Variants in PTPRR observed in about 807,000 individuals in gnomAD.
The protein encoded by PTPRR is protein tyrosine phosphatase receptor type R.
PTPRR carries 38 observed loss-of-function variants against 77.2 expected under a neutral mutation model. The ratio of observed to expected loss-of-function variants is 0.49; its 90% confidence interval spans 0.38 to 0.65. The LOEUF (loss-of-function observed/expected upper bound fraction) is 0.65, where lower values mean the gene tolerates loss of function less well. PTPRR is among the 30% of genes least tolerant of loss of function. The probability of loss-of-function intolerance (pLI) is 0.00; values close to 1 mark genes in which losing one functional copy is unlikely to be tolerated. For synonymous variants in PTPRR, 299 were observed against 283.1 expected (o/e 1.06, Z -0.57); for missense variants, 744 against 799.2 (o/e 0.93, Z 0.83).
chr12:70,838,636 A>G (rs1892343839), intron 2 of PTPRR, among the ~76,000 whole-genome samples: 1 of 152,208 alleles, frequency 6.6e-6, no homozygotes, highest in Non-Finnish European at 1.5e-5. Context: ...ATAAATAAAA[A>G]TGATATCACA....
chr12:70,736,815 G>T (rs1490759643), intron 6 of PTPRR, among the ~76,000 whole-genome samples: 2 of 152,198 alleles, frequency 1.3e-5, no homozygotes, highest in Admixed American at 1.3e-4. Context: ...TGGGTCATAG[G>T]TTCCAATAGA....
chr12:70,754,194 C>A lies in PTPRR; in HGVS notation c.735G>T (p.Leu245Phe), dbSNP rs151053959. Residue 245 changes from leucine to phenylalanine, a missense_variant, in exon 5 of 14, where the codon TTG (leucine) becomes TTT (phenylalanine). Coordinates refer to ENST00000283228, the MANE Select transcript of PTPRR (RefSeq NM_002849.4). ...LSIFVIIVTC[L>F]MILYRLKERF... ...ATATACAAAGAAGCAAACTTACCATCAAACACGTTACTATAATAACAAAGA... is the reference window on the plus strand; with the variant it reads ...ATATACAAAGAAGCAAACTTACCATAAAACACGTTACTATAATAACAAAGA... The A allele has an allele frequency of 6.2e-6, 10 of 1,612,426 alleles. No individual in the cohort carries two copies. The highest frequency in any genetic ancestry group is 8.5e-6 in the Non-Finnish European group (10 of 1,179,482).
intron 2 of PTPRR, among the ~76,000 whole-genome samples, chr12:70,770,855 G>T (rs996407616): frequency 1.3e-5 from 2 of 151,798 alleles, no homozygotes; most frequent in African/African-American, 4.8e-5. Context: ...TCCTTTGTAG[G>T]GACATGGATG....
intron 4 of PTPRR, chr12:70,754,820 T>G: frequency 7.4e-7 from 1 of 1,347,036 alleles, no homozygotes. Context: ...ATCTTTTTTT[T>G]TTTTCAAATA....
At chr12:70,829,826 T>A (rs12580754) in intron 2 of PTPRR, among the ~76,000 whole-genome samples, 3,201 of 152,262 alleles carry the variant, frequency 0.021, 69 homozygotes, top group East Asian at 0.11. Context: ...GGACTTTCTA[T>A]GAGGTTATAA....
At chr12:70,842,249 T>C (rs1463949238) in intron 2 of PTPRR, among the ~76,000 whole-genome samples, 1 of 152,228 alleles carries the variant, frequency 6.6e-6, no homozygotes, top group African/African-American at 2.4e-5. Context: ...TGTAGAATTA[T>C]TGAATTCCTC....
At chr12:70,695,537 C>G (rs887098611) in intron 8 of PTPRR, among the ~76,000 whole-genome samples, 1 of 152,178 alleles carries the variant, frequency 6.6e-6, no homozygotes, top group African/African-American at 2.4e-5. Flanking sequence ...CCACCCAGTT[C>G]TGTGAACGGA....
At chr12:70,815,371 G>A (rs1891884906) in intron 2 of PTPRR, among the ~76,000 whole-genome samples, 1 of 152,038 alleles carries the variant, frequency 6.6e-6, no homozygotes, top group Non-Finnish European at 1.5e-5. Context: ...ATTGGTGGGG[G>A]GGAGTTCTTA....
chr12:70,776,846 A>G (rs1356199085), intron 2 of PTPRR, among the ~76,000 whole-genome samples: 3 of 151,920 alleles, frequency 2.0e-5, no homozygotes, highest in African/African-American at 7.3e-5. Flanking sequence ...ACTGTGTTGG[A>G]CTTTAGGATT....
chr12:70,789,113 G>A, intron 2 of PTPRR: 1 of 431,822 alleles, frequency 2.3e-6, no homozygotes. Flanking sequence ...ATGGGAATTA[G>A]CAAAACTGTA....
chr12:70,819,218 G>A (rs537407802), intron 2 of PTPRR, among the ~76,000 whole-genome samples: 8 of 152,346 alleles, frequency 5.3e-5, no homozygotes, highest in African/African-American at 1.9e-4. Context: ...CTACTCCGGA[G>A]GCTGAGGCAT....
At chr12:70,820,008 A>G (rs1260198916) in intron 2 of PTPRR, among the ~76,000 whole-genome samples, 2 of 152,250 alleles carry the variant, frequency 1.3e-5, no homozygotes, top group African/African-American at 4.8e-5. Context: ...ATAAAAAGCT[A>G]TATTTATATT....
intron 2 of PTPRR, among the ~76,000 whole-genome samples, chr12:70,794,258 G>A (rs1293836541): frequency 6.6e-6 from 1 of 152,210 alleles, no homozygotes; most frequent in East Asian, 1.9e-4. Flanking sequence ...GACCTAATAT[G>A]AGAATGGCCA....
intron 6 of PTPRR, among the ~76,000 whole-genome samples, chr12:70,715,296 G>C (rs1022006424): frequency 6.6e-6 from 1 of 152,162 alleles, no homozygotes; most frequent in Non-Finnish European, 1.5e-5. Context: ...CAGACATCAA[G>C]TACTTCACAA....
At chr12:70,915,338 A>C (rs1893759958) in intron 1 of PTPRR, among the ~76,000 whole-genome samples, 1 of 152,190 alleles carries the variant, frequency 6.6e-6, no homozygotes, top group African/African-American at 2.4e-5. Context: ...AATGTGCATA[A>C]TGCATCCCAG....
intron 7 of PTPRR, among the ~76,000 whole-genome samples, 160 bp from the exon 8 acceptor site, chr12:70,698,509 T>C (rs896959423): frequency 6.6e-6 from 1 of 152,108 alleles, no homozygotes; most frequent in Non-Finnish European, 1.5e-5. Flanking sequence ...TTCCTAAACA[T>C]ATCAGCTGCA....
chr12:70,650,004 T>C (rs1284836836), intron 13 of PTPRR, among the ~76,000 whole-genome samples: 1 of 152,248 alleles, frequency 6.6e-6, no homozygotes, highest in Non-Finnish European at 1.5e-5. Context: ...CTCATTTAGA[T>C]GGTTCTTGAG....
intron 1 of PTPRR, among the ~76,000 whole-genome samples, chr12:70,913,120 G>T (rs1166216432): frequency 1.3e-5 from 2 of 152,058 alleles, no homozygotes; most frequent in Non-Finnish European, 2.9e-5. Flanking sequence ...CTTTTGATTT[G>T]TGATCTGATC....
chr12:70,877,363 T>G (rs1413168404), intron 2 of PTPRR, among the ~76,000 whole-genome samples: 1 of 152,180 alleles, frequency 6.6e-6, no homozygotes, highest in East Asian at 1.9e-4. Flanking sequence ...ATTATCATCA[T>G]GGTCATCCCC....
Sources: gnomAD v4.1 joint callset for allele counts (sites outside exome capture counted in the v4.1 genomes callset) on GRCh38, gnomAD v4.1.1 for gene constraint, MANE v1.5 for transcripts, NCBI Gene and HGNC (gene_info 2026-07-23, HGNC 2026-07-21) for gene names.